MKNK1: variants seen among roughly 807,000 people sequenced by gnomAD.
The protein encoded by MKNK1 is MAPK interacting serine/threonine kinase 1.
A neutral mutation model predicts 49.3 loss-of-function variants in MKNK1; 30 were observed. The observed-to-expected ratio is 0.61, with a 90% CI of 0.46 to 0.83. MKNK1 has a LOEUF of 0.83. MKNK1 is among the 40% of genes least tolerant of loss of function. The pLI, the probability that MKNK1 is intolerant of heterozygous loss-of-function variation, is 0.00. For missense variants in MKNK1, 423 were observed against 524.7 expected, an observed-to-expected ratio of 0.81 and a Z score of 1.89; for synonymous variants, 176 against 201.7, an observed-to-expected ratio of 0.87 and a Z score of 1.08.
chr1:46,572,576 G>A (rs957116438), intron 6 of MKNK1, among the ~76,000 whole-genome samples: 1 of 152,076 alleles, frequency 6.6e-6, no homozygotes, highest in African/African-American at 2.4e-5. Context: ...TGGGGACATA[G>A]GGATTCATCG....
At chr1:46,601,814 C>T (rs1298622054) in intron 1 of MKNK1, among the ~76,000 whole-genome samples, 1 of 152,162 alleles carries the variant, frequency 6.6e-6, no homozygotes, top group African/African-American at 2.4e-5. Context: ...TATGTGCTGG[C>T]CCTATGCTGG....
chr1:46,562,255 C>T (rs749943926), intron 10 of MKNK1, among the ~76,000 whole-genome samples: 132 of 152,046 alleles, frequency 8.7e-4, no homozygotes, highest in African/African-American at 2.8e-3. Context: ...ATTAGCCAGA[C>T]GTGGTGGCCG....
At position 46,586,957 on chromosome 1, in the gene MKNK1, G is replaced by A. The variant is rs865884628; in HGVS notation, c.-2-3628C>T. ...AGAGTAGCTGGGACTACAGGCACAT[G>A]CCACCATGTCCGGCTAATTTTTTGT... On this transcript the variant is annotated intron_variant, in intron 2 of 12. Coordinates refer to ENST00000371945, the MANE Select transcript of MKNK1 (RefSeq NM_001135553.4). Among the ~76,000 whole-genome samples the A allele has an allele frequency of 3.9e-5, 6 of 152,284 alleles. 1 individual carries two copies. The Middle Eastern group carries it at 0.017, about 432-fold the overall frequency.
intron 6 of MKNK1, among the ~76,000 whole-genome samples, chr1:46,572,510 G>A (rs752753047): frequency 2.4e-4 from 36 of 152,008 alleles, no homozygotes; most frequent in Non-Finnish European, 1.9e-4. Context: ...GAGCCACTGC[G>A]CCTGGCCGTA....
rs537569802 is a variant in MKNK1, at chr1:46,591,740, G to A, written c.-3+2373C>T. ...CATGTAAAAATGAAACTAGTGGCTA[G>A]TTTCACTTGCCATTCAAGGGATCCC... On this transcript the variant is annotated intron_variant, in intron 2 of 12. Transcript: ENST00000371945. 4.9e-3 allele frequency among the ~76,000 whole-genome samples: 751 copies of A among 152,288 alleles called. 2 individuals are homozygous for A. The highest frequency in any genetic ancestry group is 9.0e-3 in the Non-Finnish European group (612 of 68,014).
chr1:46,564,892 G>A (rs148747649), intron 9 of MKNK1, 149 bp downstream of exon 9: 10 of 768,440 alleles, frequency 1.3e-5, no homozygotes, highest in Admixed American at 1.2e-4. Flanking sequence ...TGAGAGCCAC[G>A]AACACAGAGC....
At chr1:46,570,534 T>C (rs1388084345) in intron 7 of MKNK1, among the ~76,000 whole-genome samples, 1 of 152,224 alleles carries the variant, frequency 6.6e-6, no homozygotes, top group Admixed American at 6.5e-5. Context: ...CTGAACCTCC[T>C]GGACATGCGC....
At chr1:46,564,608 C>G (rs1176142423) in intron 9 of MKNK1, among the ~76,000 whole-genome samples, 2 of 150,136 alleles carry the variant, frequency 1.3e-5, no homozygotes, top group Admixed American at 1.3e-4. Flanking sequence ...TCCCAAGTAG[C>G]TGGGATTACA....
At chr1:46,569,116 G>T (rs2148617658) in intron 7 of MKNK1, 1 of 152,596 alleles carries the variant, frequency 6.6e-6, no homozygotes, top group East Asian at 1.9e-4. Context: ...AATAGAGATG[G>T]AGTCTCGCTA....
At chr1:46,587,917 C>G (rs999730027) in intron 2 of MKNK1, among the ~76,000 whole-genome samples, 3 of 152,116 alleles carry the variant, frequency 2.0e-5, no homozygotes, top group African/African-American at 7.2e-5. Flanking sequence ...ATGAACCCAA[C>G]AGAGTAGAAA....
At chr1:46,561,686 G>A in intron 10 of MKNK1, 44 bp from the exon 11 acceptor site, 1 of 1,598,104 alleles carries the variant, frequency 6.3e-7, no homozygotes, top group South Asian at 1.1e-5. Flanking sequence ...GCCAGGGATG[G>A]GCAGGATGTG....
At chr1:46,565,484 A>G (rs953600377) in intron 8 of MKNK1, 10 of 302,340 alleles carry the variant, frequency 3.3e-5, no homozygotes, top group African/African-American at 2.2e-4. Context: ...TGAGAGACAG[A>G]CTTCTTGCAG....
chr1:46,574,727 G>A (rs1204366561), intron 6 of MKNK1: 1 of 524,658 alleles, frequency 1.9e-6, no homozygotes, highest in Non-Finnish European at 3.4e-6. Flanking sequence ...ATAATGAAAA[G>A]GCATTTATAA....
At chr1:46,595,160 C>G (rs1297619139) in intron 1 of MKNK1, 1 of 154,702 alleles carries the variant, frequency 6.5e-6, no homozygotes, top group Admixed American at 6.5e-5. Flanking sequence ...AGTTTTCAAT[C>G]TGATGACTTC....
intron 2 of MKNK1, among the ~76,000 whole-genome samples, chr1:46,592,627 C>T (rs1426205519): frequency 6.6e-6 from 1 of 152,038 alleles, no homozygotes; most frequent in Non-Finnish European, 1.5e-5. Context: ...ACAACAGAGA[C>T]AGGGAGAGCA....
At chr1:46,601,168 C>T (rs1057340648) in intron 1 of MKNK1, among the ~76,000 whole-genome samples, 4 of 152,194 alleles carry the variant, frequency 2.6e-5, no homozygotes, top group African/African-American at 7.2e-5. Flanking sequence ...CCACCTGCCT[C>T]GGCCTCCCAA....
intron 2 of MKNK1, among the ~76,000 whole-genome samples, chr1:46,583,994 A>G (rs770056469): frequency 8.5e-5 from 13 of 152,214 alleles, no homozygotes; most frequent in Non-Finnish European, 1.6e-4. Flanking sequence ...TCGGCAGTTG[A>G]CAGGTCTGTG....
intron 1 of MKNK1, among the ~76,000 whole-genome samples, chr1:46,600,191 T>C (rs1674558737): frequency 6.6e-6 from 1 of 152,214 alleles, no homozygotes; most frequent in South Asian, 2.1e-4. Context: ...ACATTTACCA[T>C]AGTCAGTCTG....
At chr1:46,584,679 C>A (rs891982496) in intron 2 of MKNK1, 1 of 152,162 alleles carries the variant, frequency 6.6e-6, no homozygotes, top group Non-Finnish European at 1.5e-5. Context: ...GACGCAAGTA[C>A]GTGACAGCCA....
Sources: allele counts gnomAD v4.1 joint callset (sites outside exome capture counted in the v4.1 genomes callset), GRCh38; gene constraint gnomAD v4.1.1; transcripts MANE v1.5; gene names NCBI Gene and HGNC (gene_info 2026-07-23, HGNC 2026-07-21).